PLEKHA5: variants seen among roughly 807,000 people sequenced by gnomAD.
The protein encoded by PLEKHA5 is pleckstrin homology domain containing A5, also known as pleckstrin homology domain-containing family A member 5.
A neutral mutation model predicts 181.9 loss-of-function variants in PLEKHA5; 55 were observed. That is an observed-to-expected ratio of 0.30 (90% CI 0.24 to 0.38). The LOEUF (loss-of-function observed/expected upper bound fraction) is 0.38. PLEKHA5 is among the 10% of genes least tolerant of loss of function. The pLI is 1.00. For synonymous variants in PLEKHA5, 535 were observed against 529.4 expected (o/e 1.01, Z -0.15); for missense variants, 1,432 against 1,549.5 (o/e 0.92, Z 1.27).
chr12:19,269,452 A>T (rs1288571967), intron 8 of PLEKHA5, among the ~76,000 whole-genome samples: 1 of 150,906 alleles, frequency 6.6e-6, no homozygotes, highest in Non-Finnish European at 1.5e-5. Flanking sequence ...AAATGTGGAG[A>T]TGGAAGAGGC....
intron 3 of PLEKHA5, among the ~76,000 whole-genome samples, chr12:19,192,610 G>A (rs1237647659): frequency 6.6e-6 from 1 of 152,200 alleles, no homozygotes; most frequent in Non-Finnish European, 1.5e-5. Flanking sequence ...GGCTGAGGCA[G>A]GAGAATTGCT....
chr12:19,368,351 T>A (rs1367997555), intron 30 of PLEKHA5, among the ~76,000 whole-genome samples: 3 of 152,026 alleles, frequency 2.0e-5, no homozygotes, highest in African/African-American at 7.2e-5. Context: ...TTTAAAAAAT[T>A]AGCCGGATGG....
intron 31 of PLEKHA5, chr12:19,372,363 C>CG (rs1467433063): frequency 6.6e-6 from 1 of 150,660 alleles, no homozygotes; most frequent in Non-Finnish European, 1.5e-5. Context: ...TGCCTATTCG[C>CG]GTCATTTGCC....
intron 23 of PLEKHA5, among the ~76,000 whole-genome samples, chr12:19,346,731 A>C (rs533303060): frequency 6.6e-6 from 1 of 152,356 alleles, no homozygotes; most frequent in African/African-American, 2.4e-5. Flanking sequence ...AGTTTTAAAT[A>C]GTAATCTCTT....
At chr12:19,156,703 G>A (rs2041803605) in intron 3 of PLEKHA5, among the ~76,000 whole-genome samples, 1 of 151,818 alleles carries the variant, frequency 6.6e-6, no homozygotes. Flanking sequence ...ATGAAAAAAT[G>A]CATGCATTTA....
chr12:19,259,175 A>G (rs572517275), intron 6 of PLEKHA5, among the ~76,000 whole-genome samples: 2 of 151,080 alleles, frequency 1.3e-5, no homozygotes, highest in East Asian at 4.0e-4. Context: ...TGGGCAACAT[A>G]GTGAGACCTC....
intron 3 of PLEKHA5, chr12:19,201,485 T>TG (rs1245969001): frequency 5.3e-5 from 8 of 152,044 alleles, no homozygotes; most frequent in African/African-American, 1.9e-4. Flanking sequence ...TACGTAAGTA[T>TG]GTTAAGAATG....
At chr12:19,232,031 A>G (rs2060706106) in intron 3 of PLEKHA5, among the ~76,000 whole-genome samples, 1 of 152,132 alleles carries the variant, frequency 6.6e-6, no homozygotes, top group Non-Finnish European at 1.5e-5. Context: ...CTATGAAAAC[A>G]AGGACACGGG....
intron 22 of PLEKHA5, among the ~76,000 whole-genome samples, chr12:19,344,643 C>A (rs532354218): frequency 6.6e-6 from 1 of 152,104 alleles, no homozygotes. Flanking sequence ...TGGATAACTG[C>A]GGCCAAAATG....
rs1469811573 is a variant in PLEKHA5 at position 19,356,894 on chromosome 12, C to T, written c.3139-1334C>T. 1.2e-4 allele frequency among the ~76,000 whole-genome samples: 18 copies of T among 151,948 alleles called. No homozygotes were observed. The East Asian group carries it at 2.9e-3, about 25-fold the overall frequency. The stretch of plus-strand genomic sequence containing the variant: ...CAGGCTGGTCTCTAACTCCTGACCT[C>T]GTGATCTGCCTGCCTCGGCCTTCCA... On this transcript the variant is annotated intron_variant, in intron 26 of 31. Transcript: ENST00000429027.
intron 3 of PLEKHA5, among the ~76,000 whole-genome samples, chr12:19,192,858 A>G (rs2051528185): frequency 6.6e-6 from 1 of 152,230 alleles, no homozygotes; most frequent in African/African-American, 2.4e-5. Context: ...CTACTTAACT[A>G]ATACTTTCGA....
rs2068316113 is a variant in PLEKHA5, at chr12:19,261,017, T to C, written c.606T>C (p.Tyr202=). Reference sequence around the variant, plus strand: ...TTTCTGACCTTTGCCTCTTTTATTATAGAGGTAAGTTTACCCTACTGTCTT... The same window carrying C: ...TTTCTGACCTTTGCCTCTTTTATTACAGAGGTAAGTTTACCCTACTGTCTT... ...FVLSDLCLFY[Y]RDEKEEGILG... Residue 202 remains tyrosine, a synonymous_variant, in exon 7 of 32, where the codon TAT becomes TAC. Coordinates refer to ENST00000429027, the MANE Select transcript of PLEKHA5 (RefSeq NM_001256470.2). The C allele has an allele frequency of 1.3e-6, 2 of 1,574,186 alleles. No individual in the cohort carries two copies. The highest frequency in any genetic ancestry group is 1.3e-5 in the African/African-American group (1 of 74,418).
At chr12:19,342,473 A>C (rs999620259) in intron 21 of PLEKHA5, among the ~76,000 whole-genome samples, 3 of 152,068 alleles carry the variant, frequency 2.0e-5, no homozygotes, top group Non-Finnish European at 4.4e-5. Context: ...CCTGGCCAAC[A>C]TGGTGAAACC....
intron 6 of PLEKHA5, among the ~76,000 whole-genome samples, chr12:19,259,755 A>G (rs1193432201): frequency 1.3e-5 from 2 of 151,596 alleles, no homozygotes; most frequent in Non-Finnish European, 2.9e-5. Context: ...TCTCGGAAAA[A>G]AAAAAAAATT....
intron 10 of PLEKHA5, among the ~76,000 whole-genome samples, chr12:19,273,019 G>A (rs368535572): frequency 1.4e-3 from 212 of 152,134 alleles, no homozygotes; most frequent in Middle Eastern, 3.4e-3. Context: ...CAATTCTCCT[G>A]CCTCAGCCTC....
Position 19,131,638 on chromosome 12 carries a change from G to A in PLEKHA5, c.170-755G>A, listed in dbSNP as rs182389946. On this transcript the variant is annotated intron_variant, in intron 2 of 31. Transcript: ENST00000429027. ...ACCCCACAGATTTGGTAACATTCACGCCACAGAAAAATTTTATTCTTTTAT... is the reference window on the plus strand; with the variant it reads ...ACCCCACAGATTTGGTAACATTCACACCACAGAAAAATTTTATTCTTTTAT... 1.6e-4 allele frequency among the ~76,000 whole-genome samples: 25 copies of A among 151,576 alleles called. No individual in the cohort carries two copies. In the East Asian group the frequency reaches 4.6e-3, roughly 28 times the overall value.
At chr12:19,202,867 G>A (rs1362322973) in intron 3 of PLEKHA5, among the ~76,000 whole-genome samples, 23 of 152,032 alleles carry the variant, frequency 1.5e-4, no homozygotes, top group Admixed American at 1.5e-3. Flanking sequence ...TCCTACCTGC[G>A]TTAGGACAAA....
rs965846161 is a variant in PLEKHA5 at position 19,280,043 on chromosome 12, T to G, written c.1314-3237T>G. On this transcript the variant is annotated intron_variant, in intron 11 of 31. Transcript: ENST00000429027. ...TTCATCACAATGAAACCTGTTTTTT[T>G]TTTTTTTTTTTTTTTTTTTTTTGGA... Among the ~76,000 whole-genome samples, 935 of 128,518 alleles carry G rather than the reference T, an allele frequency of 7.3e-3. 11 individuals carry two copies. The highest frequency in any genetic ancestry group is 0.027 in the African/African-American group (880 of 33,110). 84.3% of individuals were successfully genotyped at this position (128,518 alleles called of 152,430 possible). A position where few individuals can be genotyped will look rare whatever the true frequency, so the allele number is the denominator to read the frequency against.
chr12:19,343,145 A>G (rs2094065430), intron 21 of PLEKHA5, among the ~76,000 whole-genome samples, 178 bp from the exon 22 acceptor site: 1 of 152,292 alleles, frequency 6.6e-6, no homozygotes, highest in East Asian at 1.9e-4. Flanking sequence ...TCAGTCTTTT[A>G]TATTTGCCAC....
Sources: gnomAD v4.1 joint callset for allele counts (sites outside exome capture counted in the v4.1 genomes callset) on GRCh38, gnomAD v4.1.1 for gene constraint, MANE v1.5 for transcripts, NCBI Gene and HGNC (gene_info 2026-07-23, HGNC 2026-07-21) for gene names.